The following MAML2 variants were observed in gnomAD, a reference collection of about 807,000 sequenced individuals.
The protein encoded by MAML2 is mastermind-like protein 2.
In MAML2, 22 loss-of-function variants were observed where a neutral mutation model predicts 96.1. That is an observed-to-expected ratio of 0.23 (90% confidence interval 0.16 to 0.33). The LOEUF (loss-of-function observed/expected upper bound fraction) is 0.33, where lower values mean the gene tolerates loss of function less well. Among genes scored for constraint, MAML2 ranks in the 10% least tolerant of loss-of-function variants. The pLI, the probability that MAML2 is intolerant of heterozygous loss-of-function variation, is 1.00. For synonymous variants in MAML2, 561 were observed against 521.3 expected (o/e 1.08, Z -1.04); for missense variants, 1,367 against 1,392.4 (o/e 0.98, Z 0.29).
intron 1 of MAML2, among the ~76,000 whole-genome samples, chr11:96,248,227 C>T (rs749374301): frequency 6.6e-6 from 1 of 151,434 alleles, no homozygotes; most frequent in Non-Finnish European, 1.5e-5. Flanking sequence ...ATTCTCCTAC[C>T]TCAGCCTCCC....
chr11:96,205,788 C>T (rs1487381706), intron 1 of MAML2, among the ~76,000 whole-genome samples: 1 of 152,206 alleles, frequency 6.6e-6, no homozygotes, highest in Non-Finnish European at 1.5e-5. Context: ...TCTCAAAGGT[C>T]AAAGATGTGT....
At chr11:96,292,410 TA>T (rs1427101371) in intron 1 of MAML2, among the ~76,000 whole-genome samples, 1 of 152,252 alleles carries the variant, frequency 6.6e-6, no homozygotes, top group Non-Finnish European at 1.5e-5. Flanking sequence ...ATGCTATAGA[TA>T]CTTTTTCCTA....
chr11:96,064,427 A>G (rs1336796152), intron 2 of MAML2, among the ~76,000 whole-genome samples: 5 of 152,320 alleles, frequency 3.3e-5, no homozygotes, highest in Admixed American at 2.6e-4. Context: ...TTGATAAAAC[A>G]TTTATGTAAG....
At chr11:96,290,758 A>G (rs1473846585) in intron 1 of MAML2, among the ~76,000 whole-genome samples, 1 of 152,252 alleles carries the variant, frequency 6.6e-6, no homozygotes, top group Non-Finnish European at 1.5e-5. Flanking sequence ...GACTATCTTC[A>G]TCATGATCCA....
rs1863993033 is a variant in MAML2, at chr11:96,341,526, G to GGGCTGCTGT, written c.361_369dup (p.Thr121_Ala123dup). The GGGCTGCTGT allele has an allele frequency of 6.4e-7, 1 of 1,551,396 alleles. No individual in the cohort carries two copies. The highest frequency in any genetic ancestry group is 8.7e-7 in the Non-Finnish European group (1 of 1,146,970). On this transcript the variant is annotated inframe_insertion, in exon 1 of 5. Coordinates refer to ENST00000524717, the MANE Select transcript of MAML2 (RefSeq NM_032427.4). ...TGGTGATAGTCTGGTGGGGGCGGTG[G>GGGCTGCTGT]GGCTGCTGTTGCTGCTGCTTGGGAG...
At chr11:96,051,385 T>A (rs1378884435) in intron 2 of MAML2, among the ~76,000 whole-genome samples, 1 of 152,214 alleles carries the variant, frequency 6.6e-6, no homozygotes, top group Non-Finnish European at 1.5e-5. Context: ...CATTTAATCT[T>A]TAGTTTGACC....
At chr11:96,237,236 G>C (rs1323988116) in intron 1 of MAML2, among the ~76,000 whole-genome samples, 2 of 152,128 alleles carry the variant, frequency 1.3e-5, no homozygotes, top group African/African-American at 4.8e-5. Flanking sequence ...CTCAGATCCT[G>C]CTTAAGTCCC....
At chr11:96,326,023 A>G (rs1189174956) in intron 1 of MAML2, among the ~76,000 whole-genome samples, 1 of 152,090 alleles carries the variant, frequency 6.6e-6, no homozygotes, top group African/African-American at 2.4e-5. Context: ...GAAGTAAGGA[A>G]CAAAGAGCTG....
At chr11:96,021,525 G>A (rs680693) in intron 2 of MAML2, among the ~76,000 whole-genome samples, 1 of 152,070 alleles carries the variant, frequency 6.6e-6, no homozygotes, top group South Asian at 2.1e-4. Context: ...GGGACTTCTG[G>A]TTAGCTCAAG....
At chr11:96,281,792 C>T (rs548424918) in intron 1 of MAML2, among the ~76,000 whole-genome samples, 2 of 151,914 alleles carry the variant, frequency 1.3e-5, no homozygotes, top group Non-Finnish European at 2.9e-5. Context: ...ATCACTGGAG[C>T]CAGGGAGGTC....
At chr11:96,246,986 T>A (rs182418883) in intron 1 of MAML2, among the ~76,000 whole-genome samples, 1 of 152,198 alleles carries the variant, frequency 6.6e-6, no homozygotes, top group East Asian at 1.9e-4. Context: ...ATCAAAAGAA[T>A]AATTATACAG....
intron 1 of MAML2, among the ~76,000 whole-genome samples, chr11:96,160,427 A>AT (rs10578511): frequency 6.3e-4 from 87 of 137,844 alleles, no homozygotes; most frequent in African/African-American, 1.2e-3. Context: ...CAGTTTTCCA[A>AT]TTTTTTTTTT....
chr11:96,066,851 AAAAAG>A (rs2135783813), intron 2 of MAML2, among the ~76,000 whole-genome samples: 1 of 152,344 alleles, frequency 6.6e-6, no homozygotes, highest in East Asian at 1.9e-4. Flanking sequence ...AAACCCAGGT[AAAAAG>A]AAGAGAGGTG....
Position 96,342,304 on chromosome 11 carries a change from G to A in MAML2, c.-409C>T. ...GTCCAGCAAGAGACAGAAACACACAGCAAAAGGTATTGAGAGAGGTATTAA... is the reference window on the plus strand; with the variant it reads ...GTCCAGCAAGAGACAGAAACACACAACAAAAGGTATTGAGAGAGGTATTAA... On this transcript the variant is annotated 5_prime_UTR_variant, in exon 1 of 5. Transcript: ENST00000524717. 4.7e-6 allele frequency: 2 copies of A among 424,732 alleles called. No homozygotes were observed. The highest frequency in any genetic ancestry group is 8.3e-6 in the Non-Finnish European group (2 of 240,432). The allele number at this position is 424,732 out of a possible 1,614,324, so 26.3% of individuals were successfully genotyped here. A position where few individuals can be genotyped will look rare whatever the true frequency, so the allele number is the denominator to read the frequency against.
At chr11:96,317,437 G>C (rs1863646698) in intron 1 of MAML2, among the ~76,000 whole-genome samples, 1 of 152,166 alleles carries the variant, frequency 6.6e-6, no homozygotes. Flanking sequence ...ATTCCCAGTA[G>C]AGGCCCGGGA....
At chr11:96,186,347 TG>T (rs1393862240) in intron 1 of MAML2, among the ~76,000 whole-genome samples, 1 of 152,206 alleles carries the variant, frequency 6.6e-6, no homozygotes. Context: ...CCCAGCACTT[TG>T]GGAGGCCACG....
chr11:96,326,198 G>A (rs1018627704), intron 1 of MAML2, among the ~76,000 whole-genome samples: 25 of 147,592 alleles, frequency 1.7e-4, no homozygotes, highest in Non-Finnish European at 1.2e-4. Flanking sequence ...CTCAACATCT[G>A]TAACCCTATT....
rs7952632 is a variant in MAML2, at chr11:95,978,181, A to G, written c.*767T>C. 7,937 of 211,132 alleles carry G rather than the reference A, an allele frequency of 0.038. 347 individuals are homozygous for G. Among genetic ancestry groups the G allele is most frequent in the African/African-American group, 0.11 (4,954 of 44,158 alleles). The allele number at this position is 211,132 out of a possible 1,614,324, so 13.1% of individuals were successfully genotyped here. A position where few individuals can be genotyped will look rare whatever the true frequency, so the allele number is the denominator to read the frequency against. On this transcript the variant is annotated 3_prime_UTR_variant, in exon 5 of 5. Coordinates refer to ENST00000524717, the MANE Select transcript of MAML2 (RefSeq NM_032427.4). Reference sequence around the variant, plus strand: ...ATCTAATGCAGAGAGGTGTGCACCAATATTTCAGTATGATTAGGACAAGTC... The same window carrying G: ...ATCTAATGCAGAGAGGTGTGCACCAGTATTTCAGTATGATTAGGACAAGTC...
At chr11:96,268,763 C>CTAAAATTG (rs1317455749) in intron 1 of MAML2, among the ~76,000 whole-genome samples, 2 of 109,402 alleles carry the variant, frequency 1.8e-5, no homozygotes, top group South Asian at 2.7e-4. Flanking sequence ...GGGGAGTTCC[C>CTAAAATTG]CTGCACACGA....
Sources: gnomAD v4.1 joint callset for allele counts (sites outside exome capture counted in the v4.1 genomes callset) on GRCh38, gnomAD v4.1.1 for gene constraint, MANE v1.5 for transcripts, NCBI Gene and HGNC (gene_info 2026-07-23, HGNC 2026-07-21) for gene names.